RPAP1: variants seen among roughly 807,000 people sequenced by gnomAD.
RPAP1 encodes the protein RNA polymerase II-associated protein 1.
RPAP1 carries 109 observed loss-of-function variants against 142.4 expected under a neutral mutation model. That is an observed-to-expected ratio of 0.77 (90% confidence interval 0.66 to 0.90). The LOEUF is 0.90. Among genes scored for constraint, RPAP1 ranks in the 40% least tolerant of loss-of-function variants. The probability of loss-of-function intolerance (pLI) is 0.00; values close to 1 mark genes in which losing one functional copy is unlikely to be tolerated. For synonymous variants in RPAP1, 704 were observed against 738.9 expected, an observed-to-expected ratio of 0.95 and a Z score of 0.77; for missense variants, 1,546 against 1,751.7, an observed-to-expected ratio of 0.88 and a Z score of 2.10.
rs767980847 is a variant in RPAP1, at chr15:41,529,849, G to A, written c.1059+15C>T. ...TATCTCACCCACCCCTTGTAGGCCA[G>A]GTGGCCCTCCTCACCTCCTGTGTCT... On this transcript the variant is annotated intron_variant, in intron 8 of 24. Transcript: ENST00000304330. 7.6e-6 allele frequency: 12 copies of A among 1,582,376 alleles called. No individual in the cohort carries two copies. The highest frequency in any genetic ancestry group is 9.5e-6 in the Non-Finnish European group (11 of 1,161,364).
intron 22 of RPAP1, 72 bp from the exon 23 acceptor site, chr15:41,518,254 C>T (rs2051688421): frequency 5.2e-6 from 7 of 1,336,336 alleles, no homozygotes; most frequent in Middle Eastern, 2.4e-4. Flanking sequence ...GTGTGGATAA[C>T]GATCACATGA....
In RPAP1 at chr15:41,522,866, G is replaced by A. The variant is rs189977450; in HGVS notation, c.2641C>T (p.Arg881Cys). 2.8e-5 allele frequency: 45 copies of A among 1,579,982 alleles called. No individual in the cohort carries two copies. The Middle Eastern group carries it at 8.6e-4, about 30-fold the overall frequency. The stretch of plus-strand genomic sequence containing the variant: ...GAGGCTGAGCCAGCCAGACTGAGAC[G>A]GGGGCAGCCTCCCGAGCAGCCCAGT... ...VSLGCSGGCP[R>C]LSLAGSASPF... Residue 881 changes from arginine (R) to cysteine (C), a missense_variant, in exon 19 of 25, where the codon CGT (arginine) becomes TGT (cysteine). Coordinates refer to ENST00000304330, the MANE Select transcript of RPAP1 (RefSeq NM_015540.4).
Position 41,531,069 on chromosome 15 carries a change from A to G in RPAP1, c.897T>C (p.Phe299=). The G allele has an allele frequency of 1.2e-6, 2 of 1,613,880 alleles. No homozygotes were observed. The highest frequency in any genetic ancestry group is 1.7e-6 in the Non-Finnish European group (2 of 1,179,856). ...VTKEEPLMSA[F]ASEPRKRDKL... is the part of the protein sequence containing the mutation. ...TGTCTCTCTTCCTGGGCTCACTGGC[A>G]AAAGCTGACATGAGGGGTTCCTCCT... is the stretch of plus-strand genomic sequence containing the variant. The change falls in exon 7 of 25, where the codon TTT becomes TTC. Residue 299 remains phenylalanine, a synonymous_variant. Coordinates refer to ENST00000304330, the MANE Select transcript of RPAP1 (RefSeq NM_015540.4).
chr15:41,529,325 T>A (rs1049262091), intron 9 of RPAP1, 145 bp downstream of exon 9: 10 of 617,678 alleles, frequency 1.6e-5, no homozygotes, highest in Non-Finnish European at 2.6e-5. Context: ...AGAGCGAGAT[T>A]CTGTCTCCAA....
intron 19 of RPAP1, 64 bp downstream of exon 19, chr15:41,522,701 T>TAA: frequency 2.3e-6 from 1 of 434,464 alleles, no homozygotes; most frequent in Non-Finnish European, 4.3e-6. Flanking sequence ...ACCCTCCCAC[T>TAA]TTCTTTCTGA....
At chr15:41,524,349 AAAGGAGGAT>A (rs2051766666) in intron 15 of RPAP1, 95 bp from the exon 16 acceptor site, 1 of 1,126,352 alleles carries the variant, frequency 8.9e-7, no homozygotes, top group Non-Finnish European at 1.2e-6. Context: ...GCAGTTTGAT[AAAGGAGGAT>A]GAGGAGGAAG....
At chr15:41,522,063 G>C (rs1171187992) in intron 20 of RPAP1, 35 bp downstream of exon 20, 3 of 1,606,910 alleles carry the variant, frequency 1.9e-6, no homozygotes, top group Non-Finnish European at 2.6e-6. Flanking sequence ...GAGATAATGG[G>C]ATGACAGGAG....
chr15:41,542,381 C>T (rs1037567182), intron 1 of RPAP1, among the ~76,000 whole-genome samples: 5 of 152,106 alleles, frequency 3.3e-5, no homozygotes, highest in Admixed American at 6.6e-5. Context: ...CAGTGCTACA[C>T]GATTTCAGAG....
intron 14 of RPAP1, among the ~76,000 whole-genome samples, chr15:41,525,551 C>T: frequency 6.6e-6 from 1 of 152,086 alleles, no homozygotes; most frequent in East Asian, 1.9e-4. Context: ...GTTGGCCAGG[C>T]TGGTGTCGAA....
rs969018528 is a variant in RPAP1 at position 41,527,544 on chromosome 15, C to T, written c.1490G>A (p.Ser497Asn). Residue 497 changes from serine to asparagine, a missense_variant, in exon 12 of 25, where the codon AGC (serine) becomes AAC (asparagine). Physicochemically the swap from Ser to Asn is conservative, Grantham distance 46. This residue lies in a region of RPAP1 where 1,333 missense variants were observed against 1,486.6 expected (regional missense o/e 0.90). Transcript: ENST00000304330. ...HGALTFPLMP[S>N]QEDKEDEDED... ...GTCCTCATCCTCCTTGTCCTCCTGG[C>T]TGGGCATCAGAGGGAACGTCAAAGC... 1 of 1,614,120 alleles carries T rather than the reference C, an allele frequency of 6.2e-7. No individual in the cohort carries two copies. Among genetic ancestry groups the T allele is most frequent in the African/African-American group, 1.3e-5 (1 of 75,012 alleles).
intron 14 of RPAP1, among the ~76,000 whole-genome samples, 199 bp downstream of exon 14, chr15:41,526,699 A>G (rs552176109): frequency 6.6e-6 from 1 of 152,306 alleles, no homozygotes; most frequent in Non-Finnish European, 1.5e-5. Flanking sequence ...CAGTATACCT[A>G]TATGATGCAC....
chr15:41,524,075 T>C (rs1271235872), intron 16 of RPAP1, 21 bp downstream of exon 16: 8 of 1,592,690 alleles, frequency 5.0e-6, no homozygotes, highest in Non-Finnish European at 6.0e-6. Flanking sequence ...ACCTGTCCTG[T>C]GGGTCCTGGC....
chr15:41,531,617 ATATATATATATTTTTTTTTTTT>A (rs1280200732), intron 6 of RPAP1, among the ~76,000 whole-genome samples: 3 of 95,046 alleles, frequency 3.2e-5, no homozygotes, highest in South Asian at 3.2e-4. Flanking sequence ...ATATATATAT[ATATATATATATTTTTTTTTTTT>A]TTTTTTTTTT....
intron 17 of RPAP1, among the ~76,000 whole-genome samples, 178 bp downstream of exon 17, chr15:41,523,593 C>T (rs542737131): frequency 6.6e-6 from 1 of 152,192 alleles, no homozygotes; most frequent in South Asian, 2.1e-4. Flanking sequence ...CAACATGGCT[C>T]CTGGGAAGCT....
intron 15 of RPAP1, 152 bp from the exon 16 acceptor site, chr15:41,524,406 G>C: frequency 1.8e-6 from 1 of 570,442 alleles, no homozygotes; most frequent in Non-Finnish European, 2.8e-6. Context: ...CTAAAGAATG[G>C]AAAGGATGTT....
rs905958949 is a variant in RPAP1, at chr15:41,535,418, T to G, written c.541+94A>C. On this transcript the variant is annotated intron_variant, in intron 5 of 24. Transcript: ENST00000304330. ...CTACTTGAGATGGCTCAAATGCACC[T>G]CTCATTTGAGGCAGGAAGACATATC... 5 of 1,470,486 alleles carry G rather than the reference T, an allele frequency of 3.4e-6. No homozygotes were observed. The African/African-American group carries it at 7.1e-5, about 21-fold the overall frequency. 91.1% of individuals were successfully genotyped at this position (1,470,486 alleles called of 1,614,324 possible).
Position 41,525,102 on chromosome 15 carries a change from T to G in RPAP1, c.1964A>C (p.Glu655Ala). Residue 655 changes from glutamate to alanine, a missense_variant, in exon 15 of 25, where the codon GAG (glutamate) becomes GCG (alanine). Glu to Ala is a moderately radical substitution (Grantham distance 107). Transcript: ENST00000304330. ...LRSRLCRIIA[E>A]APQELALPPE... ...GGGCAAGGCCAGTTCTTGGGGAGCCTCAGCTATGATGCGGCACAGGCGGCT... is the reference window on the plus strand; with the variant it reads ...GGGCAAGGCCAGTTCTTGGGGAGCCGCAGCTATGATGCGGCACAGGCGGCT... 1 of 1,613,744 alleles carries G rather than the reference T, an allele frequency of 6.2e-7. No homozygotes were observed. The highest frequency in any genetic ancestry group is 8.5e-7 in the Non-Finnish European group (1 of 1,179,834).
intron 11 of RPAP1, 70 bp downstream of exon 11, chr15:41,527,790 C>A: frequency 6.3e-7 from 1 of 1,582,412 alleles, no homozygotes; most frequent in Non-Finnish European, 8.6e-7. Context: ...AGCAATGGGG[C>A]CATGCCCAGG....
At position 41,522,889 on chromosome 15, in the gene RPAP1, A is replaced by G; in HGVS notation, c.2618T>C (p.Leu873Pro). ...ALEAPPSLVS[L>P]GCSGGCPRLS... is the part of the protein sequence containing the mutation. ...ACGGGGGCAGCCTCCCGAGCAGCCCAGTGACACGAGGCTGGGGGGAGCTTC... is the reference window on the plus strand; with the variant it reads ...ACGGGGGCAGCCTCCCGAGCAGCCCGGTGACACGAGGCTGGGGGGAGCTTC... The change falls in exon 19 of 25, where the codon CTG becomes CCG. Residue 873 changes from leucine to proline, a missense_variant. By Grantham distance (98) the Leu-to-Pro change is moderately conservative. Around this residue, in one of 3 missense-constraint regions of RPAP1, gnomAD observed 1,333 missense variants for 1,486.6 expected, o/e 0.90. Transcript: ENST00000304330. 1 of 1,576,374 alleles carries G rather than the reference A, an allele frequency of 6.3e-7. No homozygotes were observed. The highest frequency in any genetic ancestry group is 1.2e-5 in the South Asian group (1 of 84,946).
Sources: allele counts gnomAD v4.1 joint callset (sites outside exome capture counted in the v4.1 genomes callset), GRCh38; gene constraint gnomAD v4.1.1; regional missense constraint gnomAD v4.1.1; transcripts MANE v1.5; gene names NCBI Gene and HGNC (gene_info 2026-07-23, HGNC 2026-07-21).